The following DAZAP2 variants were observed in gnomAD, a reference collection of about 807,000 sequenced individuals.
DAZAP2 encodes the protein DAZ associated protein 2.
In DAZAP2, 3 loss-of-function variants were observed where a neutral mutation model predicts 16.2. The observed-to-expected ratio is 0.19, with a 90% CI of 0.08 to 0.48. The LOEUF (loss-of-function observed/expected upper bound fraction) is 0.48, where lower values mean the gene tolerates loss of function less well. Among genes scored for constraint, DAZAP2 ranks in the 20% least tolerant of loss-of-function variants. The pLI, the probability that DAZAP2 is intolerant of heterozygous loss-of-function variation, is 0.98. For missense variants in DAZAP2, 172 were observed against 215.9 expected (o/e 0.80, Z 1.27); for synonymous variants, 69 against 77.6 (o/e 0.89, Z 0.58).
rs1944716200 is a variant in DAZAP2 at position 51,243,395 on chromosome 12, T to C, written c.*937T>C. The C allele has an allele frequency of 2.0e-6, 2 of 985,650 alleles. No individual in the cohort carries two copies. The highest frequency in any genetic ancestry group is 1.7e-5 in the African/African-American group (1 of 57,222). 61.1% of individuals were successfully genotyped at this position (985,650 alleles called of 1,614,324 possible). On this transcript the variant is annotated 3_prime_UTR_variant, in exon 4 of 4. Transcript: ENST00000412716. ...TTTTCAGATCAAAAACTGGTTACCA[T>C]TTTTTGTCAGAGTGTCTGATGCGGC...
chr12:51,239,120 C>T, intron 1 of DAZAP2, 200 bp downstream of exon 1: 1 of 727,762 alleles, frequency 1.4e-6, no homozygotes, highest in Non-Finnish European at 2.1e-6. Flanking sequence ...GCCCTTTCCT[C>T]CGTAAACTCT....
rs200913510 is a variant in DAZAP2 at position 51,240,910 on chromosome 12, G to T, written c.172G>T (p.Val58Phe). 49 of 1,614,204 alleles carry T rather than the reference G, an allele frequency of 3.0e-5. No individual in the cohort carries two copies. The Admixed American group carries it at 4.0e-4, about 13-fold the overall frequency. The change falls in exon 3 of 4, where the codon GTC (valine) becomes TTC (phenylalanine). Residue 58 changes from valine to phenylalanine, a missense_variant. By Grantham distance (50) the Val-to-Phe change is conservative. Transcript: ENST00000412716. ...CTTTGTGCACCCAGGGGCTGCCACA[G>T]TCCCCACCATGTCAGCCGCATTTCC... ...PSFVHPGAAT[V>F]PTMSAAFPGA...
intron 1 of DAZAP2, chr12:51,239,166 G>C (rs897386670): frequency 3.7e-6 from 2 of 546,778 alleles, no homozygotes; most frequent in Non-Finnish European, 6.3e-6. Context: ...CGGGTGGTGG[G>C]GGGGCTTGAC....
chr12:51,246,020 G>A, downstream of DAZAP2: 1 of 1,613,940 alleles, frequency 6.2e-7, no homozygotes, highest in Non-Finnish European at 8.5e-7. Context: ...CTCACCTTCT[G>A]TAGGTTCATA....
At chr12:51,241,947 A>T (rs1044742688) in intron 3 of DAZAP2, among the ~76,000 whole-genome samples, 1 of 151,914 alleles carries the variant, frequency 6.6e-6, no homozygotes, top group African/African-American at 2.4e-5. Flanking sequence ...AAAAAAAATT[A>T]AAAATTAAAA....
Position 51,243,039 on chromosome 12 carries a change from C to T in DAZAP2, c.*581C>T, listed in dbSNP as rs1027001264. On this transcript the variant is annotated 3_prime_UTR_variant, in exon 4 of 4. Coordinates refer to ENST00000412716, the MANE Select transcript of DAZAP2 (RefSeq NM_014764.4). ...AGTCAGACTAATTTCCTTCTTTCCT[C>T]GCACTTCTCCCCACTCGTCATCTTT... is the stretch of plus-strand genomic sequence containing the variant. 11 of 994,934 alleles carry T rather than the reference C, an allele frequency of 1.1e-5. No homozygotes were observed. Among genetic ancestry groups the T allele is most frequent in the South Asian group, 4.5e-5 (1 of 22,260 alleles). 61.6% of individuals were successfully genotyped at this position (994,934 alleles called of 1,614,324 possible).
Position 51,238,860 on chromosome 12 carries a change from A to T in DAZAP2, c.-48A>T. The T allele has an allele frequency of 6.2e-7, 1 of 1,612,650 alleles. No homozygotes were observed. The highest frequency in any genetic ancestry group is 8.5e-7 in the Non-Finnish European group (1 of 1,179,784). ...GTAGCTCCGAACAGGAAGAGGACGA[A>T]AAAAATAACCGTCCGCGACGCCGAG... On this transcript the variant is annotated 5_prime_UTR_variant, in exon 1 of 4. Coordinates refer to ENST00000412716, the MANE Select transcript of DAZAP2 (RefSeq NM_014764.4).
chr12:51,245,518 C>T (rs76380618), downstream of DAZAP2: 4,718 of 158,498 alleles, frequency 0.03, 231 homozygotes, highest in East Asian at 0.11. Flanking sequence ...CTGTGGTATC[C>T]AGCCTCTGGG....
chr12:51,245,846 T>G, downstream of DAZAP2: 1 of 1,412,978 alleles, frequency 7.1e-7, no homozygotes, highest in Non-Finnish European at 9.6e-7. Context: ...CATCAATCAA[T>G]GCTTCTCCCT....
rs1944694416 is a variant in DAZAP2, at chr12:51,242,426, G to A, written c.475G>A (p.Gly159Ser). ...TCAGCGGAAGGGGAACTTCTTCATG[G>A]GTGGTTCAGATGGTGGCTACACCAT... Reference protein sequence around the residue: ...VTQRKGNFFMGGSDGGYTIW With the variant: ...VTQRKGNFFMSGSDGGYTIW The change falls in exon 4 of 4, where the codon GGT becomes AGT. Residue 159 changes from glycine to serine, a missense_variant. Gly to Ser is a moderately conservative substitution (Grantham distance 56). Coordinates refer to ENST00000412716, the MANE Select transcript of DAZAP2 (RefSeq NM_014764.4). 2 of 1,614,054 alleles carry A rather than the reference G, an allele frequency of 1.2e-6. No homozygotes were observed. Among genetic ancestry groups the A allele is most frequent in the Non-Finnish European group, 1.7e-6 (2 of 1,180,034 alleles).
chr12:51,246,059 A>G, downstream of DAZAP2: 1 of 1,614,000 alleles, frequency 6.2e-7, no homozygotes. Context: ...GTTCTTGTAC[A>G]GGTAAAAGAA....
At chr12:51,241,606 C>G (rs1039651081) in intron 3 of DAZAP2, among the ~76,000 whole-genome samples, 6 of 152,210 alleles carry the variant, frequency 3.9e-5, no homozygotes, top group African/African-American at 1.4e-4. Flanking sequence ...TGCTCAGTAA[C>G]TACATGCTAG....
intron 2 of DAZAP2, 63 bp downstream of exon 2, chr12:51,240,524 T>C: frequency 7.5e-7 from 1 of 1,338,690 alleles, no homozygotes. Flanking sequence ...CTTTAGTCCT[T>C]AGCTAAATCT....
At chr12:51,243,950 G>C (rs1944729454), downstream of DAZAP2, 1 of 979,880 alleles carries the variant, frequency 1.0e-6, no homozygotes, top group Non-Finnish European at 1.2e-6. Flanking sequence ...ATCATTTCAT[G>C]AATTCCATTC....
In DAZAP2 at chr12:51,243,852, C is replaced by G; in HGVS notation, c.*1394C>G. On this transcript the variant is annotated 3_prime_UTR_variant, in exon 4 of 4. Coordinates refer to ENST00000412716, the MANE Select transcript of DAZAP2 (RefSeq NM_014764.4). The stretch of plus-strand genomic sequence containing the variant: ...CTTCTATATATATTTTATTTATATC[C>G]CATCTAGAATTCAGCTAGGTGCTGC... The G allele has an allele frequency of 2.0e-6, 2 of 985,012 alleles. No individual in the cohort carries two copies. The highest frequency in any genetic ancestry group is 2.4e-6 in the Non-Finnish European group (2 of 829,674). The allele number at this position is 985,012 out of a possible 1,614,324, so 61.0% of individuals were successfully genotyped here. A position where few individuals can be genotyped will look rare whatever the true frequency, so the allele number is the denominator to read the frequency against.
chr12:51,242,919 T>G lies in DAZAP2; in HGVS notation c.*461T>G. ...AACGCATTAGTTGTCTGCCTTTTCC[T>G]TTCCATCCCTTGCCCCACCCATCCC... is the stretch of plus-strand genomic sequence containing the variant. On this transcript the variant is annotated 3_prime_UTR_variant, in exon 4 of 4. Coordinates refer to ENST00000412716, the MANE Select transcript of DAZAP2 (RefSeq NM_014764.4). 1 of 1,138,536 alleles carries G rather than the reference T, an allele frequency of 8.8e-7. No homozygotes were observed. Among genetic ancestry groups the G allele is most frequent in the South Asian group, 2.9e-5 (1 of 34,924 alleles). 70.5% of individuals were successfully genotyped at this position (1,138,536 alleles called of 1,614,324 possible). A position where few individuals can be genotyped will look rare whatever the true frequency, so the allele number is the denominator to read the frequency against.
At position 51,239,157 on chromosome 12, in the gene DAZAP2, G is replaced by C. The variant is rs577235082; in HGVS notation, c.13+237G>C. Reference sequence around the variant, plus strand: ...TGGCGCAGTTTGGAGCTGCGGGCTCGGGTGGTGGGGGGGCTTGACATGATG... The same window carrying C: ...TGGCGCAGTTTGGAGCTGCGGGCTCCGGTGGTGGGGGGGCTTGACATGATG... On this transcript the variant is annotated intron_variant, in intron 1 of 3. Coordinates refer to ENST00000412716, the MANE Select transcript of DAZAP2 (RefSeq NM_014764.4). 27 of 553,868 alleles carry C rather than the reference G, an allele frequency of 4.9e-5. No homozygotes were observed. In the East Asian group the frequency reaches 8.8e-4, roughly 18 times the overall value. The allele number at this position is 553,868 out of a possible 1,614,324, so 34.3% of individuals were successfully genotyped here. A position where few individuals can be genotyped will look rare whatever the true frequency, so the allele number is the denominator to read the frequency against.
rs1278257723 is a variant in DAZAP2 at position 51,242,558 on chromosome 12, G to A, written c.*100G>A. The A allele has an allele frequency of 1.2e-6, 2 of 1,612,380 alleles. No homozygotes were observed. The highest frequency in any genetic ancestry group is 2.7e-5 in the African/African-American group (2 of 75,016). ...CATATTAACCTGAAGTTGCAGTTTA[G>A]ACACATGTTGTTGGGGTGTCTTTCT... On this transcript the variant is annotated 3_prime_UTR_variant, in exon 4 of 4. Coordinates refer to ENST00000412716, the MANE Select transcript of DAZAP2 (RefSeq NM_014764.4).
downstream of DAZAP2, chr12:51,245,923 C>T: frequency 3.1e-6 from 5 of 1,606,892 alleles, 1 homozygote; most frequent in Middle Eastern, 3.6e-4. Context: ...GAATAAGCTC[C>T]TTGGGGCCTG....
Sources: allele counts gnomAD v4.1 joint callset (sites outside exome capture counted in the v4.1 genomes callset), GRCh38; gene constraint gnomAD v4.1.1; transcripts MANE v1.5; gene names NCBI Gene and HGNC (gene_info 2026-07-23, HGNC 2026-07-21).